Variants in FAM229B observed in about 807,000 individuals in gnomAD.
The protein encoded by FAM229B is family with sequence similarity 229 member B.
Under a neutral mutation model 6.7 loss-of-function variants are expected in FAM229B, and 2 were observed. The ratio of observed to expected loss-of-function variants is 0.30; its 90% CI spans 0.12 to 0.94. The LOEUF (loss-of-function observed/expected upper bound fraction) is 0.94. FAM229B is among the 40% of genes least tolerant of loss of function. The probability of loss-of-function intolerance (pLI) is 0.54; values close to 1 mark genes in which losing one functional copy is unlikely to be tolerated. For missense variants in FAM229B, 93 were observed against 96.2 expected (o/e 0.97, Z 0.14); for synonymous variants, 29 against 34.0 (o/e 0.85, Z 0.51).
At chr6:112,094,361 G>A (rs73541435) in intron 1 of FAM229B, among the ~76,000 whole-genome samples, 7,546 of 152,106 alleles carry the variant, frequency 0.05, 620 homozygotes, top group African/African-American at 0.17. Context: ...GCGTGATTTG[G>A]CCTGTGCTTA....
At chr6:112,094,862 T>A (rs782017905) in intron 1 of FAM229B, among the ~76,000 whole-genome samples, 15 of 152,342 alleles carry the variant, frequency 9.8e-5, no homozygotes, top group Non-Finnish European at 1.6e-4. Flanking sequence ...ATACTTCATC[T>A]TTTTATTCAC....
At chr6:112,091,466 T>C (rs1777256216) in intron 1 of FAM229B, among the ~76,000 whole-genome samples, 1 of 152,114 alleles carries the variant, frequency 6.6e-6, no homozygotes, top group East Asian at 1.9e-4. Flanking sequence ...AACCTTAAAA[T>C]AGCTGGAACA....
intron 3 of FAM229B, among the ~76,000 whole-genome samples, chr6:112,099,780 G>T (rs1161173679): frequency 6.6e-6 from 1 of 152,218 alleles, no homozygotes; most frequent in Non-Finnish European, 1.5e-5. Flanking sequence ...ACTGTGCTAG[G>T]CATAAGGCTA....
At chr6:112,094,823 G>A (rs1777301386) in intron 1 of FAM229B, among the ~76,000 whole-genome samples, 2 of 152,156 alleles carry the variant, frequency 1.3e-5, no homozygotes, top group South Asian at 4.2e-4. Flanking sequence ...TATTACTCTT[G>A]AGCTTGTGAT....
At chr6:112,092,302 A>G (rs1583604095) in intron 1 of FAM229B, among the ~76,000 whole-genome samples, 1 of 152,140 alleles carries the variant, frequency 6.6e-6, no homozygotes, top group Middle Eastern at 3.2e-3. Context: ...CAAATATTAA[A>G]GCCAGCCAGA....
Position 112,101,818 on chromosome 6 carries a change from C to T in FAM229B, c.*1031C>T, listed in dbSNP as rs1319566426. ...AATAGACGTAGATGCATATGTGTTG[C>T]ATTAGGTGAAAAGAAAAACTGCCAG... On this transcript the variant is annotated 3_prime_UTR_variant, in exon 4 of 4. Transcript: ENST00000368656. The T allele has an allele frequency of 6.6e-6, 1 of 151,988 alleles. No homozygotes were observed. 9.4% of individuals were successfully genotyped at this position (151,988 alleles called of 1,614,324 possible).
At chr6:112,091,871 G>C (rs1284010010) in intron 1 of FAM229B, among the ~76,000 whole-genome samples, 1 of 143,000 alleles carries the variant, frequency 7.0e-6, no homozygotes, top group Non-Finnish European at 1.6e-5. Flanking sequence ...GACTGAGAAG[G>C]GACAAAGAAA....
At chr6:112,088,253 CATTTAGATGGGT>C (rs1156713039) in intron 1 of FAM229B, among the ~76,000 whole-genome samples, 1 of 152,080 alleles carries the variant, frequency 6.6e-6, no homozygotes, top group Non-Finnish European at 1.5e-5. Context: ...TAACACTAGG[CATTTAGATGGGT>C]ATTTAGATGG....
intron 1 of FAM229B, among the ~76,000 whole-genome samples, chr6:112,089,843 G>A (rs1562608769): frequency 6.6e-6 from 1 of 151,880 alleles, no homozygotes; most frequent in Non-Finnish European, 1.5e-5. Context: ...ACAGCAAATG[G>A]AGGAAAAAAT....
chr6:112,099,178 A>C, intron 2 of FAM229B, 92 bp from the exon 3 acceptor site: 1 of 1,140,728 alleles, frequency 8.8e-7, no homozygotes, highest in Admixed American at 2.3e-5. Flanking sequence ...TCTTTAAAAC[A>C]TTCCATGCAA....
In FAM229B at chr6:112,097,044, G is replaced by T. The variant is rs1434255435; in HGVS notation, c.-172G>T. ...ATTGAGATGTTTGATTCTTTAGCAG[G>T]TAGGAAACTATGTGAAAGAATCTCC... On this transcript the variant is annotated 5_prime_UTR_variant, in exon 2 of 4. Transcript: ENST00000368656. 2 of 152,158 alleles carry T rather than the reference G, an allele frequency of 1.3e-5. No individual in the cohort carries two copies. The highest frequency in any genetic ancestry group is 3.8e-4 in the East Asian group (2 of 5,200). The allele number at this position is 152,158 out of a possible 1,614,324, so 9.4% of individuals were successfully genotyped here.
intron 3 of FAM229B, 90 bp downstream of exon 3, chr6:112,099,498 A>C: frequency 7.8e-7 from 1 of 1,283,692 alleles, no homozygotes; most frequent in Non-Finnish European, 1.1e-6. Flanking sequence ...GCAAGAAAAA[A>C]CTCTCAGCAA....
At chr6:112,091,899 A>T (rs782225383) in intron 1 of FAM229B, among the ~76,000 whole-genome samples, 18 of 152,140 alleles carry the variant, frequency 1.2e-4, no homozygotes, top group Non-Finnish European at 2.5e-4. Flanking sequence ...AAGAGATCCC[A>T]ATTAGACTTC....
At chr6:112,088,378 C>T (rs1777208508) in intron 1 of FAM229B, among the ~76,000 whole-genome samples, 1 of 151,956 alleles carries the variant, frequency 6.6e-6, no homozygotes, top group Non-Finnish European at 1.5e-5. Flanking sequence ...CAAATTAGAC[C>T]AGATTTTAAT....
Position 112,101,440 on chromosome 6 carries a change from C to T in FAM229B, c.*653C>T, listed in dbSNP as rs782661534. On this transcript the variant is annotated 3_prime_UTR_variant, in exon 4 of 4. Transcript: ENST00000368656. ...ACCCCGATTTTTCCAAGAAAAATGA[C>T]GTCTGGTTATCACTTTGTACACGAA... The T allele has an allele frequency of 9.9e-5, 15 of 152,172 alleles. No homozygotes were observed. The highest frequency in any genetic ancestry group is 3.4e-4 in the African/African-American group (14 of 41,442). 9.4% of individuals were successfully genotyped at this position (152,172 alleles called of 1,614,324 possible). A position where few individuals can be genotyped will look rare whatever the true frequency, so the allele number is the denominator to read the frequency against.
At chr6:112,093,033 T>A (rs1191087566) in intron 1 of FAM229B, among the ~76,000 whole-genome samples, 1 of 151,920 alleles carries the variant, frequency 6.6e-6, no homozygotes, top group Non-Finnish European at 1.5e-5. Flanking sequence ...CAAATTTTAA[T>A]TCAACCGTAT....
At chr6:112,096,468 G>A (rs1583606484) in intron 1 of FAM229B, among the ~76,000 whole-genome samples, 2 of 141,250 alleles carry the variant, frequency 1.4e-5, no homozygotes, top group Admixed American at 6.9e-5. Context: ...AGGCAGGAGA[G>A]TGGTGTGAAC....
chr6:112,096,767 G>A (rs1159241862), intron 1 of FAM229B, among the ~76,000 whole-genome samples: 1 of 152,090 alleles, frequency 6.6e-6, no homozygotes, highest in East Asian at 1.9e-4. Flanking sequence ...AGATGAGGAT[G>A]TAGACAGATG....
At chr6:112,098,849 G>A (rs6914605) in intron 2 of FAM229B, among the ~76,000 whole-genome samples, 45,402 of 152,048 alleles carry the variant, frequency 0.3, 7,152 homozygotes, top group African/African-American at 0.41. Context: ...TTTTCCTTGC[G>A]TTGCTTGGTG....
Sources: allele counts gnomAD v4.1 joint callset (sites outside exome capture counted in the v4.1 genomes callset), GRCh38; gene constraint gnomAD v4.1.1; transcripts MANE v1.5; gene names NCBI Gene and HGNC (gene_info 2026-07-23, HGNC 2026-07-21).